Variants in PPIL2 observed in about 807,000 individuals in gnomAD.
PPIL2 encodes the protein peptidylprolyl isomerase like 2.
A neutral mutation model predicts 75.2 loss-of-function variants in PPIL2; 50 were observed. The ratio of observed to expected loss-of-function variants is 0.66; its 90% CI spans 0.53 to 0.84. The LOEUF (loss-of-function observed/expected upper bound fraction) is 0.84. Among genes scored for constraint, PPIL2 ranks in the 40% least tolerant of loss-of-function variants. PPIL2 has a pLI of 0.00. For missense variants in PPIL2, 590 were observed against 685.0 expected (o/e 0.86, Z 1.55); for synonymous variants, 245 against 258.8 (o/e 0.95, Z 0.51).
Position 21,684,765 on chromosome 22 carries a change from C to G in PPIL2, c.566C>G (p.Ala189Gly). The part of the protein sequence containing the change: ...MKIIDPDEEK[A>G]KQDPSYYLKN... ...TACTGTTTTGTAGATGAAGAGAAGGCCAAACAGGACCCGTCTTATTATCTG... is the reference window on the plus strand; with the variant it reads ...TACTGTTTTGTAGATGAAGAGAAGGGCAAACAGGACCCGTCTTATTATCTG... The change falls in exon 10 of 20, where the codon GCC becomes GGC. Residue 189 changes from alanine (A) to glycine (G), a missense_variant. Transcript: ENST00000398831. The G allele has an allele frequency of 6.2e-7, 1 of 1,613,920 alleles. No homozygotes were observed. Among genetic ancestry groups the G allele is most frequent in the Non-Finnish European group, 8.5e-7 (1 of 1,179,988 alleles).
intron 10 of PPIL2, chr22:21,685,546 A>T: frequency 2.6e-6 from 1 of 381,052 alleles, no homozygotes; most frequent in South Asian, 1.9e-5. Flanking sequence ...GGAAAATTTG[A>T]AAAAGAAAGC....
Position 21,694,928 on chromosome 22 carries a change from G to A in PPIL2, c.1333-9G>A. The stretch of plus-strand genomic sequence containing the variant: ...GCTGCCGGTTAGCCAGCGCCCTGTT[G>A]TGCCACAGATTGCGCAGGAGCGGAA... On this transcript the variant is annotated splice_polypyrimidine_tract_variant and intron_variant, in intron 18 of 19. Transcript: ENST00000398831. The A allele has an allele frequency of 3.7e-6, 6 of 1,612,684 alleles. No homozygotes were observed. The highest frequency in any genetic ancestry group is 5.1e-6 in the Non-Finnish European group (6 of 1,179,332).
chr22:21,680,209 T>C (rs1011205256), intron 6 of PPIL2, among the ~76,000 whole-genome samples: 4 of 151,846 alleles, frequency 2.6e-5, no homozygotes, highest in Non-Finnish European at 5.9e-5. Flanking sequence ...CCCTGGCCAC[T>C]GGGTGGGGAC....
At chr22:21,675,560 C>A (rs1009996137) in intron 6 of PPIL2, among the ~76,000 whole-genome samples, 2 of 152,088 alleles carry the variant, frequency 1.3e-5, no homozygotes, top group Non-Finnish European at 2.9e-5. Context: ...CACAAGATTT[C>A]TTCTCAAAGG....
intron 2 of PPIL2, 130 bp downstream of exon 2, chr22:21,670,092 A>G: frequency 9.7e-7 from 1 of 1,026,692 alleles, no homozygotes; most frequent in South Asian, 1.4e-5. Context: ...GGCTGAGGAC[A>G]CAGTTCATGA....
chr22:21,670,212 G>T, intron 2 of PPIL2: 1 of 1,082,280 alleles, frequency 9.2e-7, no homozygotes, highest in Non-Finnish European at 1.3e-6. Flanking sequence ...AAATAAATAA[G>T]TAAATGAAAT....
chr22:21,692,307 C>CA lies in PPIL2; in HGVS notation c.1140-1508dup, dbSNP rs574912720. Among the ~76,000 whole-genome samples the CA allele has an allele frequency of 5.5e-4, 84 of 152,078 alleles. 2 individuals are homozygous for CA. In the South Asian group the frequency reaches 0.011, roughly 21 times the overall value. On this transcript the variant is annotated intron_variant, in intron 15 of 19. Transcript: ENST00000398831. ...AGTAGCTGGGACTACAGGCGCCCGC[C>CA]ACACGCCTGGCTAATTTTTTGTATT... is the stretch of plus-strand genomic sequence containing the variant.
Position 21,697,049 on chromosome 22 carries a change from G to C in PPIL2, c.*1559G>C. On this transcript the variant is annotated 3_prime_UTR_variant, in exon 20 of 20. Transcript: ENST00000398831. Reference sequence around the variant, plus strand: ...TCATCCCTGTCTGTGACCATTGGTCGGGCCCCTGGGCTCTAGAGTGACTTT... The same window carrying C: ...TCATCCCTGTCTGTGACCATTGGTCCGGCCCCTGGGCTCTAGAGTGACTTT... The C allele has an allele frequency of 6.7e-7, 1 of 1,490,938 alleles. No individual in the cohort carries two copies. Among genetic ancestry groups the C allele is most frequent in the Admixed American group, 2.0e-5 (1 of 50,070 alleles). 92.4% of individuals were successfully genotyped at this position (1,490,938 alleles called of 1,614,324 possible).
At chr22:21,686,424 G>A (rs861831) in intron 10 of PPIL2, 59 bp from the exon 11 acceptor site, 224,665 of 1,525,644 alleles carry the variant, frequency 0.15, 18,329 homozygotes, top group Non-Finnish European at 0.17. Context: ...CAAGCGACAC[G>A]TCCCCACCCA....
intron 4 of PPIL2, 75 bp downstream of exon 4, chr22:21,671,134 C>A: frequency 6.9e-7 from 1 of 1,440,118 alleles, no homozygotes; most frequent in Non-Finnish European, 9.8e-7. Flanking sequence ...ACCCTTGGTA[C>A]CCTTGGGTAG....
intron 3 of PPIL2, 112 bp from the exon 4 acceptor site, chr22:21,670,885 C>A: frequency 8.9e-7 from 1 of 1,120,908 alleles, no homozygotes; most frequent in Non-Finnish European, 1.4e-6. Flanking sequence ...CCAGGCTGCC[C>A]AGAGAGGGCT....
chr22:21,682,241 T>C (rs2067157022), intron 7 of PPIL2, among the ~76,000 whole-genome samples, 196 bp from the exon 8 acceptor site: 1 of 152,144 alleles, frequency 6.6e-6, no homozygotes, highest in African/African-American at 2.4e-5. Flanking sequence ...AACTGGCTCA[T>C]CGTCTGAGGC....
intron 15 of PPIL2, among the ~76,000 whole-genome samples, chr22:21,693,131 T>G (rs2067754925): frequency 6.6e-6 from 1 of 152,182 alleles, no homozygotes; most frequent in East Asian, 2.0e-4. Flanking sequence ...TACTGCAACC[T>G]CTGCCTCCCA....
chr22:21,675,414 T>C (rs1219239242), intron 6 of PPIL2, among the ~76,000 whole-genome samples: 1 of 152,166 alleles, frequency 6.6e-6, no homozygotes, highest in Non-Finnish European at 1.5e-5. Context: ...CGGGCGCCTG[T>C]AGTCCCAGCT....
intron 15 of PPIL2, among the ~76,000 whole-genome samples, chr22:21,689,458 T>C (rs148360045): frequency 1.3e-5 from 2 of 152,186 alleles, no homozygotes; most frequent in Non-Finnish European, 2.9e-5. Context: ...GGATTTTTTA[T>C]AGTTTATGAT....
At chr22:21,668,502 G>A (rs996170038) in intron 1 of PPIL2, among the ~76,000 whole-genome samples, 3 of 150,772 alleles carry the variant, frequency 2.0e-5, no homozygotes, top group Non-Finnish European at 4.4e-5. Flanking sequence ...GGTGGCAGGC[G>A]CCTGTAGTAC....
intron 15 of PPIL2, among the ~76,000 whole-genome samples, chr22:21,689,114 C>G (rs1033202773): frequency 2.0e-5 from 3 of 152,200 alleles, no homozygotes; most frequent in Non-Finnish European, 4.4e-5. Flanking sequence ...TTGACAGGGA[C>G]CAGGCATTCG....
chr22:21,670,950 T>A, intron 3 of PPIL2, 47 bp from the exon 4 acceptor site: 1 of 1,539,210 alleles, frequency 6.5e-7, no homozygotes, highest in Non-Finnish European at 9.0e-7. Flanking sequence ...GCCCACATCC[T>A]GACCAGGGTG....
chr22:21,693,738 C>A, intron 15 of PPIL2, 78 bp from the exon 16 acceptor site: 1 of 1,402,232 alleles, frequency 7.1e-7, no homozygotes, highest in Non-Finnish European at 1.0e-6. Flanking sequence ...AGAGGGTGGG[C>A]AGCTCCTGGT....
Sources: allele counts gnomAD v4.1 joint callset (sites outside exome capture counted in the v4.1 genomes callset), GRCh38; gene constraint gnomAD v4.1.1; transcripts MANE v1.5; gene names NCBI Gene and HGNC (gene_info 2026-07-23, HGNC 2026-07-21).